The following TTC39B variants were observed in gnomAD, a reference collection of about 807,000 sequenced individuals.
TTC39B encodes the protein tetratricopeptide repeat domain 39B.
TTC39B carries 92 observed loss-of-function variants against 96.6 expected under a neutral mutation model. The ratio of observed to expected loss-of-function variants is 0.95; its 90% CI spans 0.80 to 1.13. The LOEUF (loss-of-function observed/expected upper bound fraction) is 1.13. TTC39B is among the 50% of genes most tolerant of loss of function. The pLI is 0.00. For synonymous variants in TTC39B, 367 were observed against 299.4 expected (o/e 1.23, Z -2.33); for missense variants, 955 against 809.3 (o/e 1.18, Z -2.18).
exon 20 of TTC39B, chr9:15,164,361 C>T (rs1331760977): frequency 1.3e-5 from 2 of 152,140 alleles, no homozygotes; most frequent in African/African-American, 4.8e-5. Flanking sequence ...GTGCTATGGA[C>T]TCTAATTTTA....
At chr9:15,230,862 G>T (rs553928240) in intron 2 of TTC39B, among the ~76,000 whole-genome samples, 1 of 152,050 alleles carries the variant, frequency 6.6e-6, no homozygotes, top group Non-Finnish European at 1.5e-5. Flanking sequence ...GTGCACACCC[G>T]TAATTCCAGC....
At chr9:15,168,472 G>C (rs1462882011) in exon 20 of TTC39B, 1 of 146,296 alleles carries the variant, frequency 6.8e-6, no homozygotes, top group Non-Finnish European at 1.5e-5. Context: ...GATAATTCCA[G>C]AAGATTTTCC....
At chr9:15,216,653 T>C (rs1820536058) in intron 3 of TTC39B, among the ~76,000 whole-genome samples, 1 of 152,216 alleles carries the variant, frequency 6.6e-6, no homozygotes, top group Admixed American at 6.5e-5. Flanking sequence ...GGTCACTGTG[T>C]GTTGCCTGGG....
chr9:15,205,676 A>G (rs191708314), intron 6 of TTC39B, among the ~76,000 whole-genome samples: 1 of 152,278 alleles, frequency 6.6e-6, no homozygotes, highest in East Asian at 1.9e-4. Context: ...ACTTATTTTT[A>G]CCCAGTCACC....
At position 15,167,013 on chromosome 9, in the gene TTC39B, TATATATA is replaced by T. The variant is rs1564299855; in HGVS notation, c.*4999_*5005del. 1.1e-3 allele frequency: 9 copies of T among 8,292 alleles called. 1 individual carries two copies. The highest frequency in any genetic ancestry group is 3.2e-3 in the African/African-American group (6 of 1,856). 0.5% of individuals were successfully genotyped at this position (8,292 alleles called of 1,614,324 possible). On this transcript the variant is annotated 3_prime_UTR_variant, in exon 20 of 20. Coordinates refer to ENST00000512701, the Ensembl canonical transcript of TTC39B. ...ATATATATATATATATATATATATA[TATATATA>T]TATATATATTTTTTTTTTTTTTTTT...
At chr9:15,228,259 T>C (rs534536316) in intron 2 of TTC39B, among the ~76,000 whole-genome samples, 1 of 151,102 alleles carries the variant, frequency 6.6e-6, no homozygotes, top group Non-Finnish European at 1.5e-5. Context: ...AGGTCAGGAG[T>C]TTGAGACCAG....
intron 1 of TTC39B, among the ~76,000 whole-genome samples, chr9:15,279,897 T>C (rs1025241563): frequency 1.6e-4 from 22 of 141,826 alleles, no homozygotes; most frequent in East Asian, 9.9e-4. Context: ...CTTTTCTTTT[T>C]TTTTTTTTTT....
intron 1 of TTC39B, among the ~76,000 whole-genome samples, chr9:15,300,472 C>T (rs1209890995): frequency 6.6e-6 from 1 of 152,174 alleles, no homozygotes; most frequent in East Asian, 1.9e-4. Context: ...CATCATCTTC[C>T]ACACTAACTG....
At chr9:15,254,459 C>T (rs937415105) in intron 2 of TTC39B, among the ~76,000 whole-genome samples, 1 of 151,908 alleles carries the variant, frequency 6.6e-6, no homozygotes, top group African/African-American at 2.4e-5. Flanking sequence ...TACTATGTTA[C>T]GTTTGCTTTA....
At chr9:15,233,245 T>C (rs1459026124) in intron 2 of TTC39B, among the ~76,000 whole-genome samples, 1 of 152,152 alleles carries the variant, frequency 6.6e-6, no homozygotes. Context: ...ACATTCCCAA[T>C]GATCCGCAGA....
chr9:15,266,865 G>C (rs1823151574), intron 2 of TTC39B, among the ~76,000 whole-genome samples: 1 of 152,274 alleles, frequency 6.6e-6, no homozygotes, highest in South Asian at 2.1e-4. Context: ...AGATCACGAG[G>C]TCAGGAGATG....
Position 15,214,097 on chromosome 9 carries a change from C to T in TTC39B, c.482+42G>A, listed in dbSNP as rs374668296. ...CATGACATCAAAGAATCATCAGAAA[C>T]ATCTGAAAGATATTTTATCTAAAAG... On this transcript the variant is annotated intron_variant, in intron 4 of 19. Coordinates refer to ENST00000512701, the Ensembl canonical transcript of TTC39B. 1.2e-5 allele frequency: 17 copies of T among 1,416,760 alleles called. No individual in the cohort carries two copies. In the African/African-American group the frequency reaches 2.0e-4, roughly 17 times the overall value. 87.8% of individuals were successfully genotyped at this position (1,416,760 alleles called of 1,614,324 possible).
At chr9:15,166,231 A>G (rs1182428648) in exon 20 of TTC39B, 3 of 152,220 alleles carry the variant, frequency 2.0e-5, no homozygotes, top group Admixed American at 2.0e-4. Flanking sequence ...CCTATTAAAT[A>G]TCCAATCTGT....
At chr9:15,282,023 C>T (rs1009268402) in intron 1 of TTC39B, among the ~76,000 whole-genome samples, 3 of 152,098 alleles carry the variant, frequency 2.0e-5, no homozygotes, top group African/African-American at 7.2e-5. Context: ...TTCAATTATA[C>T]CGTAAAACAA....
chr9:15,216,010 C>T (rs1299729461), intron 3 of TTC39B, among the ~76,000 whole-genome samples: 1 of 152,186 alleles, frequency 6.6e-6, no homozygotes. Context: ...TCTTCTAGCA[C>T]GAATAGGTTA....
intron 2 of TTC39B, among the ~76,000 whole-genome samples, chr9:15,228,523 G>A (rs976212257): frequency 1.3e-5 from 2 of 152,098 alleles, no homozygotes; most frequent in Non-Finnish European, 2.9e-5. Context: ...GTTCCTATAC[G>A]AGCAAATGGA....
exon 20 of TTC39B, chr9:15,169,411 A>G (rs1332417591): frequency 6.6e-6 from 1 of 152,148 alleles, no homozygotes; most frequent in Non-Finnish European, 1.5e-5. Flanking sequence ...TTAAATTTAT[A>G]CAGCACCAAT....
At chr9:15,279,544 CA>C (rs1823674631) in intron 1 of TTC39B, among the ~76,000 whole-genome samples, 1 of 152,184 alleles carries the variant, frequency 6.6e-6, no homozygotes, top group Admixed American at 6.5e-5. Flanking sequence ...CTTAGGACCT[CA>C]ATTTCCCATG....
At chr9:15,235,058 CAAAACAAAACAA>C (rs1482681945) in intron 2 of TTC39B, among the ~76,000 whole-genome samples, 1 of 124,140 alleles carries the variant, frequency 8.1e-6, no homozygotes, top group Non-Finnish European at 1.8e-5. Flanking sequence ...AAAAACAAAA[CAAAACAAAACAA>C]AAAACAGAAC....
Sources: allele counts gnomAD v4.1 joint callset (sites outside exome capture counted in the v4.1 genomes callset), GRCh38; gene constraint gnomAD v4.1.1; transcripts MANE v1.5; gene names NCBI Gene and HGNC (gene_info 2026-07-23, HGNC 2026-07-21).